Variants in KLRD1 observed in about 807,000 individuals in gnomAD.
KLRD1 encodes the protein killer cell lectin like receptor D1.
In KLRD1, 21 loss-of-function variants were observed where a neutral mutation model predicts 22.6. The observed-to-expected ratio is 0.93, with a 90% CI of 0.66 to 1.34. The LOEUF (loss-of-function observed/expected upper bound fraction) is 1.34, where lower values mean the gene tolerates loss of function less well. Among genes scored for constraint, KLRD1 ranks in the 40% most tolerant of loss-of-function variants. The pLI, the probability that KLRD1 is intolerant of heterozygous loss-of-function variation, is 0.00. For synonymous variants in KLRD1, 59 were observed against 71.1 expected (o/e 0.83, Z 0.85); for missense variants, 183 against 208.6 (o/e 0.88, Z 0.76).
Position 10,294,901 on chromosome 12 carries a change from A to T in KLRD1, c.-100-13077A>T, listed in dbSNP as rs542165156. Among the ~76,000 whole-genome samples the T allele has an allele frequency of 9.2e-5, 14 of 152,358 alleles. No homozygotes were observed. The East Asian group carries it at 1.7e-3, about 19-fold the overall frequency. ...GACTATATACGTTATAGTAAGATAA[A>T]TTATCAAACCAGGCAAAACTGAACT... On this transcript the variant is annotated intron_variant, in intron 1 of 5. Coordinates refer to the KLRD1 transcript ENST00000544747.
chr12:10,329,403 C>A lies in KLRD1; in HGVS notation c.*14610C>A, dbSNP rs1011042223. 3 of 152,104 alleles carry A rather than the reference C, an allele frequency of 2.0e-5. No individual in the cohort carries two copies. Among genetic ancestry groups the A allele is most frequent in the Non-Finnish European group, 4.4e-5 (3 of 68,028 alleles). The allele number at this position is 152,104 out of a possible 1,614,324, so 9.4% of individuals were successfully genotyped here. On this transcript the variant is annotated 3_prime_UTR_variant, in exon 6 of 6. Coordinates refer to ENST00000336164, the MANE Select transcript of KLRD1 (RefSeq NM_002262.5). ...TTCAATTTTCTTAATTTTCTTAAGA[C>A]TTCTTTTATGACCTAACATATGATC...
At position 10,314,893 on chromosome 12, in the gene KLRD1, C is replaced by A; in HGVS notation, c.*100C>A. ...ATTACTAATTGTCTACTTCTGGAGT[C>A]TATAAAATGTTTTTAAACAGTGTCA... On this transcript the variant is annotated 3_prime_UTR_variant, in exon 6 of 6. Coordinates refer to ENST00000336164, the MANE Select transcript of KLRD1 (RefSeq NM_002262.5). The A allele has an allele frequency of 8.7e-7, 1 of 1,155,286 alleles. No individual in the cohort carries two copies. The highest frequency in any genetic ancestry group is 1.2e-6 in the Non-Finnish European group (1 of 825,660). The allele number at this position is 1,155,286 out of a possible 1,614,324, so 71.6% of individuals were successfully genotyped here. A position where few individuals can be genotyped will look rare whatever the true frequency, so the allele number is the denominator to read the frequency against.
rs546457034 is a variant in KLRD1 at position 10,308,217 on chromosome 12, G to A, written c.7+133G>A. 5.5e-5 allele frequency: 39 copies of A among 707,330 alleles called. No individual in the cohort carries two copies. The African/African-American group carries it at 6.9e-4, about 13-fold the overall frequency. 43.8% of individuals were successfully genotyped at this position (707,330 alleles called of 1,614,324 possible). On this transcript the variant is annotated intron_variant, in intron 1 of 5. Coordinates refer to ENST00000336164, the MANE Select transcript of KLRD1 (RefSeq NM_002262.5). ...ATGTTTTTAGGATTTTCATGCATTA[G>A]CACTTTCCACATTCATTATATTTTC... is the stretch of plus-strand genomic sequence containing the variant.
intron 1 of KLRD1, among the ~76,000 whole-genome samples, chr12:10,270,944 C>T (rs1336869546): frequency 3.3e-5 from 5 of 151,934 alleles, no homozygotes; most frequent in East Asian, 3.9e-4. Context: ...CCACCATGCC[C>T]GGCTAATTTT....
At chr12:10,299,921 A>G (rs1949853066), upstream of KLRD1, among the ~76,000 whole-genome samples, 1 of 152,234 alleles carries the variant, frequency 6.6e-6, no homozygotes, top group Admixed American at 6.5e-5. Context: ...TTGCTTAGCC[A>G]TGAGAAGCAA....
At chr12:10,255,982 G>C (rs774777468) in intron 1 of KLRD1, among the ~76,000 whole-genome samples, 2 of 151,866 alleles carry the variant, frequency 1.3e-5, no homozygotes, top group Non-Finnish European at 2.9e-5. Context: ...GTCAAAGTTT[G>C]TTTCATATAT....
At position 10,318,018 on chromosome 12, in the gene KLRD1, A is replaced by C. The variant is rs1030108687; in HGVS notation, c.*3225A>C. The C allele has an allele frequency of 2.6e-5, 4 of 152,154 alleles. No individual in the cohort carries two copies. The highest frequency in any genetic ancestry group is 1.3e-4 in the Admixed American group (2 of 15,278). The allele number at this position is 152,154 out of a possible 1,614,324, so 9.4% of individuals were successfully genotyped here. A position where few individuals can be genotyped will look rare whatever the true frequency, so the allele number is the denominator to read the frequency against. Reference sequence around the variant, plus strand: ...CCCCATGATTAAATTACCTCCTACCAGTTCCCTCACATGATACGTGAGGAT... The same window carrying C: ...CCCCATGATTAAATTACCTCCTACCCGTTCCCTCACATGATACGTGAGGAT... On this transcript the variant is annotated 3_prime_UTR_variant, in exon 6 of 6. Coordinates refer to ENST00000336164, the MANE Select transcript of KLRD1 (RefSeq NM_002262.5).
At position 10,314,063 on chromosome 12, in the gene KLRD1, G is replaced by A. The variant is rs532496270; in HGVS notation, c.419+550G>A. The stretch of plus-strand genomic sequence containing the variant: ...TAATGCTCAAGTGACATGAAATTTA[G>A]TGTATTCGTGGCCATAAAAGAACTT... On this transcript the variant is annotated intron_variant, in intron 5 of 5. Transcript: ENST00000336164. Among the ~76,000 whole-genome samples, 4 of 152,278 alleles carry A rather than the reference G, an allele frequency of 2.6e-5. No individual in the cohort carries two copies. In the South Asian group the frequency reaches 8.3e-4, roughly 32 times the overall value.
chr12:10,297,207 C>A (rs1485222183), intron 1 of KLRD1, among the ~76,000 whole-genome samples: 1 of 152,166 alleles, frequency 6.6e-6, no homozygotes, highest in Non-Finnish European at 1.5e-5. Flanking sequence ...TGTGTGGACA[C>A]CATCTCTTTT....
At chr12:10,283,300 C>T (rs1379907829) in intron 1 of KLRD1, among the ~76,000 whole-genome samples, 2 of 152,044 alleles carry the variant, frequency 1.3e-5, no homozygotes, top group Non-Finnish European at 2.9e-5. Context: ...GACAAAAACA[C>T]GATTCCATTT....
In KLRD1 at chr12:10,323,556, AAAG is replaced by A. The variant is rs1352653739; in HGVS notation, c.*8764_*8766del. On this transcript the variant is annotated 3_prime_UTR_variant, in exon 6 of 6. Coordinates refer to ENST00000336164, the MANE Select transcript of KLRD1 (RefSeq NM_002262.5). The stretch of plus-strand genomic sequence containing the variant: ...TACTTTAAGCATACTTTATATGCTT[AAAG>A]TATGACATTTGATGTATTTCCATAT... The A allele has an allele frequency of 6.6e-6, 1 of 152,026 alleles. No homozygotes were observed. Among genetic ancestry groups the A allele is most frequent in the African/African-American group, 2.4e-5 (1 of 41,386 alleles). The allele number at this position is 152,026 out of a possible 1,614,324, so 9.4% of individuals were successfully genotyped here.
intron 1 of KLRD1, among the ~76,000 whole-genome samples, chr12:10,284,843 T>TGGTG (rs982115899): frequency 1.3e-5 from 2 of 152,032 alleles, no homozygotes; most frequent in Non-Finnish European, 2.9e-5. Flanking sequence ...TAGCCGGGCA[T>TGGTG]GGTGGTGCAT....
chr12:10,247,334 A>C (rs938560270), intron 1 of KLRD1, among the ~76,000 whole-genome samples: 1 of 152,098 alleles, frequency 6.6e-6, no homozygotes, highest in African/African-American at 2.4e-5. Context: ...ATTTATTGGA[A>C]TGTGATTTAG....
At chr12:10,271,167 T>C (rs1368931816) in intron 1 of KLRD1, among the ~76,000 whole-genome samples, 1 of 152,106 alleles carries the variant, frequency 6.6e-6, no homozygotes, top group Non-Finnish European at 1.5e-5. Context: ...ACTCCAACTT[T>C]TGCTGTTGGC....
intron 1 of KLRD1, among the ~76,000 whole-genome samples, chr12:10,276,695 C>A (rs1165254786): frequency 1.8e-3 from 233 of 132,842 alleles, no homozygotes; most frequent in Non-Finnish European, 2.1e-3. Flanking sequence ...TAAAATTTGA[C>A]AAAAAAAAAA....
At chr12:10,258,125 G>T (rs1425656876) in intron 1 of KLRD1, among the ~76,000 whole-genome samples, 2 of 152,094 alleles carry the variant, frequency 1.3e-5, no homozygotes, top group East Asian at 3.8e-4. Flanking sequence ...TGATGACCTG[G>T]TGAATCTAGC....
chr12:10,252,912 C>T (rs1041294759), intron 1 of KLRD1, among the ~76,000 whole-genome samples: 27 of 147,588 alleles, frequency 1.8e-4, no homozygotes, highest in Admixed American at 1.5e-3. Context: ...TTGAACATAG[C>T]ATTACTGGCT....
At chr12:10,275,706 C>A (rs1949586470) in intron 1 of KLRD1, among the ~76,000 whole-genome samples, 1 of 152,096 alleles carries the variant, frequency 6.6e-6, no homozygotes, top group South Asian at 2.1e-4. Context: ...AGATAATATG[C>A]AAAACTGCGT....
At chr12:10,291,667 C>CA (rs1949771852) in intron 1 of KLRD1, among the ~76,000 whole-genome samples, 2 of 149,988 alleles carry the variant, frequency 1.3e-5, no homozygotes, top group Admixed American at 6.7e-5. Flanking sequence ...GATACACAAG[C>CA]AGAACGTGCA....
Sources: allele counts gnomAD v4.1 joint callset (sites outside exome capture counted in the v4.1 genomes callset), GRCh38; gene constraint gnomAD v4.1.1; transcripts MANE v1.5; gene names NCBI Gene and HGNC (gene_info 2026-07-23, HGNC 2026-07-21).